LRRC7: variants seen among roughly 807,000 people sequenced by gnomAD.
LRRC7 encodes the protein leucine rich repeat containing 7.
In LRRC7, 23 loss-of-function variants were observed where a neutral mutation model predicts 175.7. That is an observed-to-expected ratio of 0.13 (90% CI 0.09 to 0.19). The LOEUF (loss-of-function observed/expected upper bound fraction) is 0.19. Among genes scored for constraint, LRRC7 ranks in the 10% least tolerant of loss-of-function variants. The pLI is 1.00. For synonymous variants in LRRC7, 685 were observed against 680.9 expected (o/e 1.01, Z -0.09); for missense variants, 1,354 against 1,904.7 (o/e 0.71, Z 5.38).
chr1:69,568,227 A>T lies in LRRC7; in HGVS notation c.-413A>T, dbSNP rs1370287556. On this transcript the variant is annotated 5_prime_UTR_variant, in exon 1 of 27. Transcript: ENST00000651989. Reference sequence around the variant, plus strand: ...CCTGCTTGTCTCTTCTCCGCCCAGGATTTATTGTCTGTGGAGCCTTCTGGG... The same window carrying T: ...CCTGCTTGTCTCTTCTCCGCCCAGGTTTTATTGTCTGTGGAGCCTTCTGGG... Among the ~76,000 whole-genome samples, 3 of 151,600 alleles carry T rather than the reference A, an allele frequency of 2.0e-5. No individual in the cohort carries two copies. The highest frequency in any genetic ancestry group is 7.3e-5 in the African/African-American group (3 of 41,244).
chr1:69,905,416 C>A (rs1646269788), intron 7 of LRRC7, among the ~76,000 whole-genome samples: 2 of 152,110 alleles, frequency 1.3e-5, no homozygotes. Flanking sequence ...GCTCCCACCA[C>A]CCCACAACAG....
intron 11 of LRRC7, among the ~76,000 whole-genome samples, chr1:69,995,047 A>G (rs979518484): frequency 3.3e-5 from 5 of 152,182 alleles, no homozygotes; most frequent in Non-Finnish European, 7.4e-5. Context: ...TTACACTATT[A>G]GTAACATTTA....
At position 70,122,078 on chromosome 1, in the gene LRRC7, G is replaced by C. The variant is rs1370301603; in HGVS notation, c.*191G>C. ...ATAAATATGATGTTCATGTGGTTAT[G>C]TATTAGTTTTAATTGTCAGCCTCTG... On this transcript the variant is annotated 3_prime_UTR_variant, in exon 27 of 27. Transcript: ENST00000651989. 1 of 435,472 alleles carries C rather than the reference G, an allele frequency of 2.3e-6. No individual in the cohort carries two copies. The highest frequency in any genetic ancestry group is 4.1e-6 in the Non-Finnish European group (1 of 246,160). 27.0% of individuals were successfully genotyped at this position (435,472 alleles called of 1,614,324 possible). A position where few individuals can be genotyped will look rare whatever the true frequency, so the allele number is the denominator to read the frequency against.
chr1:69,736,610 G>A (rs1383794765), intron 2 of LRRC7, among the ~76,000 whole-genome samples: 2 of 151,940 alleles, frequency 1.3e-5, no homozygotes, highest in African/African-American at 4.8e-5. Flanking sequence ...AGAAAATTTG[G>A]GTTAATTTTA....
At chr1:69,798,172 G>C (rs575048473) in intron 4 of LRRC7, among the ~76,000 whole-genome samples, 2 of 152,004 alleles carry the variant, frequency 1.3e-5, no homozygotes, top group East Asian at 1.9e-4. Flanking sequence ...TGCCCTCCTC[G>C]GCCTCCCAAA....
chr1:69,681,170 T>C (rs761673828), intron 2 of LRRC7, among the ~76,000 whole-genome samples: 8 of 152,150 alleles, frequency 5.3e-5, no homozygotes, highest in Non-Finnish European at 1.2e-4. Flanking sequence ...TGTTTGATAT[T>C]AGTTTAACAC....
intron 14 of LRRC7, 119 bp from the exon 15 acceptor site, chr1:70,018,600 T>C: frequency 1.9e-6 from 1 of 521,952 alleles, no homozygotes; most frequent in Non-Finnish European, 3.3e-6. Flanking sequence ...TGTAATTTCT[T>C]ATTTTATTTC....
At chr1:69,987,172 G>A (rs1654010635) in intron 10 of LRRC7, among the ~76,000 whole-genome samples, 1 of 152,182 alleles carries the variant, frequency 6.6e-6, no homozygotes, top group Non-Finnish European at 1.5e-5. Flanking sequence ...TTGAACCCAG[G>A]AGGCGGTGGT....
At chr1:69,877,175 C>T (rs1191302416) in intron 7 of LRRC7, among the ~76,000 whole-genome samples, 1 of 152,024 alleles carries the variant, frequency 6.6e-6, no homozygotes, top group Non-Finnish European at 1.5e-5. Context: ...ATTTTCTGGG[C>T]AATAGAGAGG....
At position 70,142,840 on chromosome 1, in the gene LRRC7, A is replaced by C. The variant is rs1667118843; in HGVS notation, c.*20953A>C. 6.6e-6 allele frequency: 1 copy of C among 152,242 alleles called. No homozygotes were observed. The highest frequency in any genetic ancestry group is 1.9e-4 in the East Asian group (1 of 5,182). 9.4% of individuals were successfully genotyped at this position (152,242 alleles called of 1,614,324 possible). ...AGCAATTCTGAAGGAAGACAGTGGT[A>C]GGTTTTCAGATGGTTTGTTAAGAAT... On this transcript the variant is annotated 3_prime_UTR_variant, in exon 27 of 27. Coordinates refer to ENST00000651989, the MANE Select transcript of LRRC7 (RefSeq NM_001370785.2).
At chr1:69,661,061 G>C (rs566939792) in intron 1 of LRRC7, among the ~76,000 whole-genome samples, 1 of 152,130 alleles carries the variant, frequency 6.6e-6, no homozygotes, top group Non-Finnish European at 1.5e-5. Flanking sequence ...CCATGTTTGG[G>C]GTAAGGAACA....
intron 18 of LRRC7, among the ~76,000 whole-genome samples, chr1:70,030,151 C>A (rs1455592522): frequency 6.6e-6 from 1 of 152,160 alleles, no homozygotes; most frequent in East Asian, 1.9e-4. Context: ...CACTTTTTGG[C>A]TTCCCTTGTC....
intron 2 of LRRC7, among the ~76,000 whole-genome samples, chr1:69,704,785 G>C (rs1207032797): frequency 4.0e-5 from 6 of 151,882 alleles, no homozygotes; most frequent in South Asian, 2.1e-4. Context: ...CCAAGGACTA[G>C]AACCACTCTT....
intron 2 of LRRC7, among the ~76,000 whole-genome samples, chr1:69,741,265 A>G (rs1157005039): frequency 6.6e-6 from 1 of 151,994 alleles, no homozygotes; most frequent in Non-Finnish European, 1.5e-5. Context: ...TATGTTCAAA[A>G]TATGGCATGG....
intron 4 of LRRC7, among the ~76,000 whole-genome samples, chr1:69,810,408 A>AT (rs1358417240): frequency 6.6e-6 from 1 of 152,174 alleles, no homozygotes; most frequent in Admixed American, 6.6e-5. Context: ...TCTTCACAGA[A>AT]TTAGAAAAAA....
intron 3 of LRRC7, among the ~76,000 whole-genome samples, chr1:69,781,696 AAAG>A (rs1557718968): frequency 3.9e-5 from 1 of 25,858 alleles, no homozygotes; most frequent in Non-Finnish European, 6.5e-5. Context: ...AAGAAGAAAG[AAAG>A]AAAGAAAGAA....
At chr1:69,775,544 G>A (rs569836609) in intron 3 of LRRC7, among the ~76,000 whole-genome samples, 10 of 152,236 alleles carry the variant, frequency 6.6e-5, no homozygotes, top group African/African-American at 2.4e-4. Context: ...CAGAAATGTA[G>A]GATTACTTCA....
At chr1:69,901,091 T>A (rs1646122191) in intron 7 of LRRC7, among the ~76,000 whole-genome samples, 2 of 152,296 alleles carry the variant, frequency 1.3e-5, no homozygotes, top group South Asian at 2.1e-4. Context: ...AATGATATGA[T>A]CAAATTATTT....
At chr1:69,915,741 T>C (rs1014077231) in intron 7 of LRRC7, among the ~76,000 whole-genome samples, 4 of 152,010 alleles carry the variant, frequency 2.6e-5, no homozygotes, top group African/African-American at 7.2e-5. Flanking sequence ...AGACGATCTC[T>C]AAAGCTTTTT....
Sources: allele counts gnomAD v4.1 joint callset (sites outside exome capture counted in the v4.1 genomes callset), GRCh38; gene constraint gnomAD v4.1.1; transcripts MANE v1.5; gene names NCBI Gene and HGNC (gene_info 2026-07-23, HGNC 2026-07-21).